Variants in BORCS5 observed in about 807,000 individuals in gnomAD.
BORCS5 encodes BLOC-1-related complex subunit 5.
In BORCS5, 17 loss-of-function variants were observed where a neutral mutation model predicts 22.1. That is an observed-to-expected ratio of 0.77 (90% CI 0.53 to 1.15). BORCS5 has a LOEUF of 1.15. BORCS5 is among the 50% of genes most tolerant of loss of function. BORCS5 has a pLI of 0.00. For missense variants in BORCS5, 247 were observed against 253.2 expected (o/e 0.98, Z 0.17); for synonymous variants, 117 against 99.8 (o/e 1.17, Z -1.03).
chr12:12,438,211 A>G (rs934470332), intron 3 of BORCS5, among the ~76,000 whole-genome samples: 1 of 151,992 alleles, frequency 6.6e-6, no homozygotes, highest in Non-Finnish European at 1.5e-5. Flanking sequence ...AAATACAAAA[A>G]TTAGCCAGGT....
intron 2 of BORCS5, among the ~76,000 whole-genome samples, chr12:12,384,872 CTT>C (rs1480828353): frequency 6.6e-6 from 1 of 151,192 alleles, no homozygotes; most frequent in Non-Finnish European, 1.5e-5. Context: ...GGGCAGCTCT[CTT>C]TATTTGTGTA....
At chr12:12,362,041 C>T (rs1474483165) in intron 2 of BORCS5, among the ~76,000 whole-genome samples, 1 of 152,198 alleles carries the variant, frequency 6.6e-6, no homozygotes, top group Non-Finnish European at 1.5e-5. Context: ...CTCACCCCCA[C>T]CAAAGATTAG....
intron 3 of BORCS5, among the ~76,000 whole-genome samples, chr12:12,438,385 AAAC>A (rs1555156049): frequency 1.3e-4 from 16 of 126,136 alleles, no homozygotes; most frequent in African/African-American, 4.9e-4. Context: ...AAAAAACGAA[AAAC>A]AACAACAAAA....
At chr12:12,374,437 A>T (rs1486709844) in intron 2 of BORCS5, among the ~76,000 whole-genome samples, 1 of 151,514 alleles carries the variant, frequency 6.6e-6, no homozygotes, top group Non-Finnish European at 1.5e-5. Flanking sequence ...GTTTGAGACC[A>T]GCCTGAACAA....
At chr12:12,362,023 T>C (rs996201397) in intron 2 of BORCS5, among the ~76,000 whole-genome samples, 1 of 152,202 alleles carries the variant, frequency 6.6e-6, no homozygotes, top group African/African-American at 2.4e-5. Context: ...CCTTCAGTTC[T>C]CTCCTCCCTC....
rs1040924136 is a variant in BORCS5 at position 12,465,990 on chromosome 12, G to A, written c.*214G>A. 9 of 522,898 alleles carry A rather than the reference G, an allele frequency of 1.7e-5. No homozygotes were observed. Among genetic ancestry groups the A allele is most frequent in the Admixed American group, 7.0e-5 (2 of 28,418 alleles). 32.4% of individuals were successfully genotyped at this position (522,898 alleles called of 1,614,324 possible). On this transcript the variant is annotated 3_prime_UTR_variant, in exon 4 of 4. Coordinates refer to ENST00000314565, the MANE Select transcript of BORCS5 (RefSeq NM_058169.6). Reference sequence around the variant, plus strand: ...TGTGGAAGGAACCTAACCAGTTCTCGGTGATAACTGAAGCTGGAACGTGTG... The same window carrying A: ...TGTGGAAGGAACCTAACCAGTTCTCAGTGATAACTGAAGCTGGAACGTGTG...
chr12:12,379,089 T>TTTCTTTC (rs138886133), intron 2 of BORCS5, among the ~76,000 whole-genome samples: 7 of 150,984 alleles, frequency 4.6e-5, no homozygotes, highest in African/African-American at 1.7e-4. Flanking sequence ...TTTCTATTTC[T>TTTCTTTC]TTCTTTCTTC....
At chr12:12,437,597 G>T (rs773299431) in intron 3 of BORCS5, among the ~76,000 whole-genome samples, 2 of 152,146 alleles carry the variant, frequency 1.3e-5, no homozygotes, top group Non-Finnish European at 2.9e-5. Flanking sequence ...GTCACAAAGC[G>T]TATTATCTCA....
intron 3 of BORCS5, among the ~76,000 whole-genome samples, chr12:12,442,553 C>G (rs552035542): frequency 6.6e-6 from 1 of 152,228 alleles, no homozygotes; most frequent in East Asian, 1.9e-4. Context: ...ACTTGCAATC[C>G]TTGGAAAGCC....
At chr12:12,358,668 G>A (rs1024888675) in intron 1 of BORCS5, among the ~76,000 whole-genome samples, 2 of 152,148 alleles carry the variant, frequency 1.3e-5, no homozygotes, top group Non-Finnish European at 2.9e-5. Flanking sequence ...CTATTCCCCT[G>A]TGCCCGGTAC....
intron 3 of BORCS5, among the ~76,000 whole-genome samples, chr12:12,458,037 A>T (rs1263017120): frequency 1.3e-5 from 2 of 152,102 alleles, no homozygotes; most frequent in Non-Finnish European, 1.5e-5. Flanking sequence ...ACTGAACAGA[A>T]TTTTTTTCTT....
chr12:12,392,335 CAA>C (rs1472332066), intron 2 of BORCS5, among the ~76,000 whole-genome samples: 2 of 152,064 alleles, frequency 1.3e-5, no homozygotes, highest in East Asian at 3.8e-4. Context: ...GAATTATCTC[CAA>C]AGTCTGTGCT....
chr12:12,393,807 C>T (rs1941264650), intron 2 of BORCS5, among the ~76,000 whole-genome samples: 1 of 151,652 alleles, frequency 6.6e-6, no homozygotes, highest in Admixed American at 6.6e-5. Context: ...AGGTGTGAGC[C>T]ATCGCGCCCG....
chr12:12,418,679 T>G (rs1218934507), intron 2 of BORCS5, among the ~76,000 whole-genome samples: 1 of 152,164 alleles, frequency 6.6e-6, no homozygotes, highest in African/African-American at 2.4e-5. Flanking sequence ...AGCGTGAGAC[T>G]CTCTTTCAGT....
intron 3 of BORCS5, among the ~76,000 whole-genome samples, chr12:12,449,870 G>A (rs566046398): frequency 1.1e-4 from 17 of 152,312 alleles, no homozygotes; most frequent in Admixed American, 2.0e-4. Context: ...AAGCAGACGT[G>A]TGCAGTTTTG....
chr12:12,359,948 G>T (rs1318363735), intron 1 of BORCS5, among the ~76,000 whole-genome samples: 3 of 151,264 alleles, frequency 2.0e-5, no homozygotes, highest in Admixed American at 6.6e-5. Context: ...GAAATAGGGA[G>T]ATATATATAT....
chr12:12,422,203 C>T (rs367837868), intron 2 of BORCS5, among the ~76,000 whole-genome samples: 63 of 152,210 alleles, frequency 4.1e-4, no homozygotes, highest in African/African-American at 1.4e-3. Context: ...GTTTTCTTTG[C>T]ACTTATCATG....
chr12:12,455,551 G>T (rs995172635), intron 3 of BORCS5, among the ~76,000 whole-genome samples: 1 of 152,152 alleles, frequency 6.6e-6, no homozygotes, highest in Non-Finnish European at 1.5e-5. Context: ...AGGACGAGGA[G>T]GGCAGATCAC....
intron 3 of BORCS5, chr12:12,452,260 G>T (rs1942925289): frequency 2.6e-6 from 2 of 769,634 alleles, no homozygotes; most frequent in South Asian, 1.3e-5. Flanking sequence ...AGCTTATTTT[G>T]TGCACCAATT....
Sources: gnomAD v4.1 joint callset for allele counts (sites outside exome capture counted in the v4.1 genomes callset) on GRCh38, gnomAD v4.1.1 for gene constraint, MANE v1.5 for transcripts, NCBI Gene and HGNC (gene_info 2026-07-23, HGNC 2026-07-21) for gene names.